The following AGFG1 variants were observed in gnomAD, a reference collection of about 807,000 sequenced individuals.
The protein encoded by AGFG1 is arf-GAP domain and FG repeat-containing protein 1.
AGFG1 carries 10 observed loss-of-function variants against 60.6 expected under a neutral mutation model. That is an observed-to-expected ratio of 0.16 (90% confidence interval 0.10 to 0.28). The LOEUF is 0.28. AGFG1 is among the 10% of genes least tolerant of loss of function. The pLI is 1.00. For synonymous variants in AGFG1, 247 were observed against 242.9 expected (o/e 1.02, Z -0.16); for missense variants, 537 against 676.5 (o/e 0.79, Z 2.29).
At chr2:227,545,666 T>C (rs1184419377) in intron 10 of AGFG1, among the ~76,000 whole-genome samples, 1 of 152,210 alleles carries the variant, frequency 6.6e-6, no homozygotes, top group Non-Finnish European at 1.5e-5. Context: ...TCCTTTTTTT[T>C]GATGTTGATG....
At chr2:227,520,302 G>A (rs554156591) in intron 3 of AGFG1, among the ~76,000 whole-genome samples, 125 of 152,126 alleles carry the variant, frequency 8.2e-4, no homozygotes, top group Middle Eastern at 3.4e-3. Context: ...GGAAAGTTAG[G>A]GATTCTTCCT....
intron 2 of AGFG1, among the ~76,000 whole-genome samples, chr2:227,505,669 A>C (rs1473969878): frequency 6.6e-6 from 1 of 151,744 alleles, no homozygotes; most frequent in African/African-American, 2.4e-5. Flanking sequence ...CTCTGCTCAG[A>C]TTTTGTTCAT....
intron 10 of AGFG1, among the ~76,000 whole-genome samples, chr2:227,538,321 T>A (rs1177426132): frequency 6.6e-6 from 1 of 152,194 alleles, no homozygotes; most frequent in Non-Finnish European, 1.5e-5. Flanking sequence ...CAGCCAAACT[T>A]GTGTTCGAAT....
chr2:227,543,839 C>CTCT (rs1553550864), intron 10 of AGFG1, among the ~76,000 whole-genome samples: 1 of 151,102 alleles, frequency 6.6e-6, no homozygotes, highest in Non-Finnish European at 1.5e-5. Context: ...CTGGGTTCTC[C>CTCT]TGTATTGGGT....
In AGFG1 at chr2:227,557,273, A is replaced by C. The variant is rs956753521; in HGVS notation, c.*2778A>C. 6.6e-5 allele frequency: 10 copies of C among 152,194 alleles called. No homozygotes were observed. Among genetic ancestry groups the C allele is most frequent in the African/African-American group, 1.7e-4 (7 of 41,444 alleles). The allele number at this position is 152,194 out of a possible 1,614,324, so 9.4% of individuals were successfully genotyped here. A position where few individuals can be genotyped will look rare whatever the true frequency, so the allele number is the denominator to read the frequency against. Reference sequence around the variant, plus strand: ...TTTTCCCCATTTTTTGAAATAGAGAATATTTTATTATTTTTGTGAAAATAG... The same window carrying C: ...TTTTCCCCATTTTTTGAAATAGAGACTATTTTATTATTTTTGTGAAAATAG... On this transcript the variant is annotated 3_prime_UTR_variant, in exon 13 of 13. Transcript: ENST00000310078.
At position 227,554,511 on chromosome 2, in the gene AGFG1, T is replaced by G. The variant is rs1692913642; in HGVS notation, c.*16T>G. ...TTTCTTATAGCCTTATATAGACAATTTACTGGAACGAACTTTTATGTGGTC... is the reference window on the plus strand; with the variant it reads ...TTTCTTATAGCCTTATATAGACAATGTACTGGAACGAACTTTTATGTGGTC... On this transcript the variant is annotated 3_prime_UTR_variant, in exon 13 of 13. Transcript: ENST00000310078. The G allele has an allele frequency of 6.2e-7, 1 of 1,606,948 alleles. No homozygotes were observed. Among genetic ancestry groups the G allele is most frequent in the Non-Finnish European group, 8.5e-7 (1 of 1,175,510 alleles).
intron 9 of AGFG1, 73 bp from the exon 10 acceptor site, chr2:227,536,828 T>C: frequency 6.5e-7 from 1 of 1,539,442 alleles, no homozygotes; most frequent in Non-Finnish European, 8.9e-7. Flanking sequence ...TCTTGATAAA[T>C]ATAGTGAAAT....
chr2:227,525,891 AAAT>A (rs1296574286), intron 5 of AGFG1, among the ~76,000 whole-genome samples: 1 of 152,198 alleles, frequency 6.6e-6, no homozygotes, highest in Non-Finnish European at 1.5e-5. Context: ...CATTGCATAA[AAAT>A]AATGATGTTC....
intron 1 of AGFG1, among the ~76,000 whole-genome samples, chr2:227,476,600 T>C (rs1690287033): frequency 1.3e-5 from 2 of 152,232 alleles, no homozygotes; most frequent in African/African-American, 2.4e-5. Context: ...TAGTAACTTA[T>C]ATTCTGTTGA....
At chr2:227,516,470 TA>T (rs1276200267) in intron 2 of AGFG1, among the ~76,000 whole-genome samples, 1 of 152,204 alleles carries the variant, frequency 6.6e-6, no homozygotes, top group Admixed American at 6.5e-5. Flanking sequence ...TAGAGCCGAT[TA>T]ATAACTTTGA....
chr2:227,509,371 A>G (rs1368424142), intron 2 of AGFG1, among the ~76,000 whole-genome samples: 2 of 152,224 alleles, frequency 1.3e-5, no homozygotes, highest in East Asian at 1.9e-4. Flanking sequence ...AATGTTCCAC[A>G]TTAAAAGAGA....
intron 10 of AGFG1, among the ~76,000 whole-genome samples, chr2:227,542,563 G>T (rs546493070): frequency 6.6e-6 from 1 of 152,212 alleles, no homozygotes; most frequent in Non-Finnish European, 1.5e-5. Flanking sequence ...TGGTTTGCCA[G>T]TATTTTATTG....
At position 227,556,772 on chromosome 2, in the gene AGFG1, C is replaced by G. The variant is rs1006581916; in HGVS notation, c.*2277C>G. 1 of 151,984 alleles carries G rather than the reference C, an allele frequency of 6.6e-6. No homozygotes were observed. Among genetic ancestry groups the G allele is most frequent in the African/African-American group, 2.4e-5 (1 of 41,304 alleles). 9.4% of individuals were successfully genotyped at this position (151,984 alleles called of 1,614,324 possible). On this transcript the variant is annotated 3_prime_UTR_variant, in exon 13 of 13. Transcript: ENST00000310078. ...GCTTATAAAATAAAAATGTTTAGTT[C>G]AAGAAGAGACCCAAGCTGGGTATGG...
intron 10 of AGFG1, among the ~76,000 whole-genome samples, chr2:227,540,197 G>GA (rs1553550054): frequency 2.1e-5 from 3 of 145,512 alleles, no homozygotes; most frequent in Middle Eastern, 3.5e-3. Context: ...TGGGGCTTTA[G>GA]TTTTTTTTTT....
intron 10 of AGFG1, among the ~76,000 whole-genome samples, chr2:227,540,113 G>A (rs144991786): frequency 0.013 from 1,956 of 152,200 alleles, 21 homozygotes; most frequent in Middle Eastern, 0.038. Flanking sequence ...TGGGATTACA[G>A]GTGTGAGCGA....
intron 2 of AGFG1, among the ~76,000 whole-genome samples, chr2:227,512,473 GTTAATAATGTAC>G (rs1459324951): frequency 3.3e-5 from 5 of 152,158 alleles, no homozygotes; most frequent in East Asian, 3.9e-4. Context: ...TGTAGGAAAT[GTTAATAATGTAC>G]TTAATAATGT....
At chr2:227,554,393 C>G (rs1692908943) in intron 12 of AGFG1, 43 bp from the exon 13 acceptor site, 1 of 1,504,762 alleles carries the variant, frequency 6.6e-7, no homozygotes, top group Non-Finnish European at 9.1e-7. Context: ...TGTACATGCA[C>G]TACTTTTGTC....
chr2:227,476,725 GC>G (rs1690291403), intron 1 of AGFG1, among the ~76,000 whole-genome samples: 2 of 152,126 alleles, frequency 1.3e-5, no homozygotes, highest in South Asian at 2.1e-4. Flanking sequence ...AGGATGGATT[GC>G]AAATCAGATG....
chr2:227,487,291 C>T (rs1329336657), intron 1 of AGFG1, among the ~76,000 whole-genome samples: 1 of 151,690 alleles, frequency 6.6e-6, no homozygotes, highest in East Asian at 1.9e-4. Context: ...TTATAGAAAA[C>T]TTGGAGAGAA....
Sources: gnomAD v4.1 joint callset for allele counts (sites outside exome capture counted in the v4.1 genomes callset) on GRCh38, gnomAD v4.1.1 for gene constraint, MANE v1.5 for transcripts, NCBI Gene and HGNC (gene_info 2026-07-23, HGNC 2026-07-21) for gene names.